The following NRXN3 variants were observed in gnomAD, a reference collection of about 807,000 sequenced individuals.
The protein encoded by NRXN3 is neurexin III.
A neutral mutation model predicts 137.6 loss-of-function variants in NRXN3; 32 were observed. That is an observed-to-expected ratio of 0.23 (90% confidence interval 0.18 to 0.31). The LOEUF (loss-of-function observed/expected upper bound fraction) is 0.31. Among genes scored for constraint, NRXN3 ranks in the 10% least tolerant of loss-of-function variants. NRXN3 has a pLI of 1.00. For synonymous variants in NRXN3, 798 were observed against 784.5 expected, an observed-to-expected ratio of 1.02 and a Z score of -0.29; for missense variants, 1,574 against 2,062.5, an observed-to-expected ratio of 0.76 and a Z score of 4.59.
At chr14:79,713,212 T>TATC (rs1177038184) in intron 19 of NRXN3, among the ~76,000 whole-genome samples, 1 of 143,478 alleles carries the variant, frequency 7.0e-6, no homozygotes, top group Non-Finnish European at 1.5e-5. Flanking sequence ...GAAATATCCT[T>TATC]ATCAGTGGAC....
chr14:78,469,992 T>C (rs1450346698), intron 4 of NRXN3, among the ~76,000 whole-genome samples: 1 of 152,238 alleles, frequency 6.6e-6, no homozygotes, highest in African/African-American at 2.4e-5. Context: ...TATCTGTCTA[T>C]AGGCAGCCAC....
chr14:79,197,472 C>T (rs1305972748), intron 15 of NRXN3, among the ~76,000 whole-genome samples: 1 of 152,106 alleles, frequency 6.6e-6, no homozygotes, highest in East Asian at 1.9e-4. Context: ...GTCATTTGAA[C>T]TTGATTCTTG....
At chr14:79,371,647 C>T (rs1420158499) in intron 15 of NRXN3, among the ~76,000 whole-genome samples, 1 of 152,006 alleles carries the variant, frequency 6.6e-6, no homozygotes, top group African/African-American at 2.4e-5. Flanking sequence ...TAAAACAGGG[C>T]CCTCACTTCA....
chr14:79,421,398 T>A (rs2095573894), intron 15 of NRXN3, among the ~76,000 whole-genome samples: 2 of 152,336 alleles, frequency 1.3e-5, no homozygotes, highest in Admixed American at 6.5e-5. Flanking sequence ...CTATCTTTAT[T>A]TCCTTTAGGC....
chr14:79,846,765 A>G (rs1276533045), intron 20 of NRXN3, among the ~76,000 whole-genome samples: 2 of 152,184 alleles, frequency 1.3e-5, no homozygotes, highest in African/African-American at 4.8e-5. Context: ...GACCTGAAAC[A>G]ACTTTAGGAA....
chr14:78,794,937 C>CAAAAA (rs59817830), intron 8 of NRXN3, among the ~76,000 whole-genome samples: 4 of 142,426 alleles, frequency 2.8e-5, no homozygotes, highest in African/African-American at 5.5e-5. Flanking sequence ...AACAAACAAA[C>CAAAAA]AAAAAAAAAA....
At chr14:79,440,972 G>A (rs2095931231) in intron 15 of NRXN3, among the ~76,000 whole-genome samples, 1 of 152,066 alleles carries the variant, frequency 6.6e-6, no homozygotes, top group South Asian at 2.1e-4. Context: ...GGATCAAGTC[G>A]CATAAGAAAA....
At chr14:79,429,846 G>A (rs892270678) in intron 15 of NRXN3, among the ~76,000 whole-genome samples, 2 of 152,102 alleles carry the variant, frequency 1.3e-5, no homozygotes. Context: ...AATGCCATAT[G>A]AGAAAAATTG....
intron 10 of NRXN3, among the ~76,000 whole-genome samples, chr14:78,845,646 A>G (rs560364685): frequency 5.7e-4 from 87 of 152,178 alleles, no homozygotes; most frequent in Admixed American, 1.8e-3. Flanking sequence ...TAGTGTAGGC[A>G]AAAGGTAGAG....
intron 3 of NRXN3, chr14:78,279,797 A>T (rs181577698): frequency 9.2e-5 from 14 of 152,318 alleles, no homozygotes; most frequent in African/African-American, 3.1e-4. Flanking sequence ...GAGATACTTG[A>T]CATTTTCTTT....
At chr14:78,210,320 T>C (rs1012515012) in intron 1 of NRXN3, among the ~76,000 whole-genome samples, 1 of 152,158 alleles carries the variant, frequency 6.6e-6, no homozygotes, top group Non-Finnish European at 1.5e-5. Flanking sequence ...GCCTCTGCTG[T>C]AAGGGCACTA....
At chr14:78,288,339 A>AAT (rs2075414954) in intron 3 of NRXN3, among the ~76,000 whole-genome samples, 2 of 152,188 alleles carry the variant, frequency 1.3e-5, no homozygotes, top group Admixed American at 6.5e-5. Context: ...CCTTAGCCTT[A>AAT]ATAAAAAAAG....
At chr14:78,781,986 T>C (rs1464899761) in intron 8 of NRXN3, among the ~76,000 whole-genome samples, 1 of 152,194 alleles carries the variant, frequency 6.6e-6, no homozygotes, top group Non-Finnish European at 1.5e-5. Flanking sequence ...GACCTTCTCG[T>C]TGGAAACCTC....
intron 15 of NRXN3, among the ~76,000 whole-genome samples, chr14:79,419,018 C>T (rs7152941): frequency 0.096 from 14,623 of 152,188 alleles, 1,739 homozygotes; most frequent in African/African-American, 0.27. Context: ...GGATGAAAAT[C>T]GAACTCTACT....
chr14:78,661,528 A>G (rs142304972), intron 6 of NRXN3, among the ~76,000 whole-genome samples: 37 of 152,242 alleles, frequency 2.4e-4, no homozygotes, highest in Admixed American at 8.5e-4. Context: ...AAGAGACATA[A>G]GAGAACATGG....
At chr14:79,147,723 G>C (rs2059426500) in intron 15 of NRXN3, among the ~76,000 whole-genome samples, 1 of 152,064 alleles carries the variant, frequency 6.6e-6, no homozygotes, top group Non-Finnish European at 1.5e-5. Context: ...AGGCAACAGT[G>C]GGGTCCTTTT....
At chr14:78,253,773 A>T (rs899916757) in intron 2 of NRXN3, among the ~76,000 whole-genome samples, 1 of 152,164 alleles carries the variant, frequency 6.6e-6, no homozygotes, top group Non-Finnish European at 1.5e-5. Flanking sequence ...CCTCTGCACT[A>T]TATAAAATGA....
chr14:78,931,053 G>A (rs2152866217), intron 10 of NRXN3, among the ~76,000 whole-genome samples: 1 of 152,284 alleles, frequency 6.6e-6, no homozygotes, highest in African/African-American at 2.4e-5. Context: ...AGCAAAATGA[G>A]TGGTATACAA....
At chr14:79,462,254 T>C (rs1455580393) in intron 15 of NRXN3, among the ~76,000 whole-genome samples, 2 of 151,908 alleles carry the variant, frequency 1.3e-5, no homozygotes, top group Non-Finnish European at 2.9e-5. Flanking sequence ...ATGCCTGTAA[T>C]CCCAGCTACT....
Sources: gnomAD v4.1 joint callset for allele counts (sites outside exome capture counted in the v4.1 genomes callset) on GRCh38, gnomAD v4.1.1 for gene constraint, MANE v1.5 for transcripts, NCBI Gene and HGNC (gene_info 2026-07-23, HGNC 2026-07-21) for gene names.